SLCO5A1: variants seen among roughly 807,000 people sequenced by gnomAD.
SLCO5A1 encodes the protein solute carrier organic anion transporter family member 5A1, also known as organic anion transporter polypeptide-related protein 4.
SLCO5A1 carries 39 observed loss-of-function variants against 65.1 expected under a neutral mutation model. The observed-to-expected ratio is 0.60, with a 90% CI of 0.46 to 0.78. The LOEUF is 0.78. Among genes scored for constraint, SLCO5A1 ranks in the 30% least tolerant of loss-of-function variants. The probability of loss-of-function intolerance (pLI) is 0.00; values close to 1 mark genes in which losing one functional copy is unlikely to be tolerated. For missense variants in SLCO5A1, 1,029 were observed against 1,069.4 expected, an observed-to-expected ratio of 0.96 and a Z score of 0.53; for synonymous variants, 438 against 415.7, an observed-to-expected ratio of 1.05 and a Z score of -0.65.
intron 2 of SLCO5A1, among the ~76,000 whole-genome samples, chr8:69,775,689 GA>G (rs1818526407): frequency 6.6e-6 from 1 of 152,166 alleles, no homozygotes. Context: ...AGGAACTCAT[GA>G]AAAACTTTAA....
chr8:69,745,013 G>T (rs1236716002), intron 4 of SLCO5A1, among the ~76,000 whole-genome samples: 1 of 152,136 alleles, frequency 6.6e-6, no homozygotes, highest in Non-Finnish European at 1.5e-5. Context: ...ATACAATATT[G>T]TCCTTTATCC....
intron 6 of SLCO5A1, among the ~76,000 whole-genome samples, chr8:69,685,419 A>G (rs1184987426): frequency 6.6e-6 from 1 of 152,222 alleles, no homozygotes; most frequent in Non-Finnish European, 1.5e-5. Context: ...CTTGTGCAAA[A>G]GGACTGTGCA....
At chr8:69,778,065 T>C (rs978012372) in intron 2 of SLCO5A1, among the ~76,000 whole-genome samples, 1 of 152,218 alleles carries the variant, frequency 6.6e-6, no homozygotes, top group Admixed American at 6.5e-5. Context: ...AATCTCCTAC[T>C]GTGACTAATT....
At chr8:69,767,886 T>A (rs1322910335) in intron 2 of SLCO5A1, among the ~76,000 whole-genome samples, 2 of 89,760 alleles carry the variant, frequency 2.2e-5, no homozygotes, top group African/African-American at 4.9e-5. Context: ...TGAGACTCCA[T>A]CTCAAAAAAA....
At chr8:69,783,596 A>AT (rs1250028383) in intron 2 of SLCO5A1, among the ~76,000 whole-genome samples, 4 of 151,556 alleles carry the variant, frequency 2.6e-5, no homozygotes, top group Non-Finnish European at 4.4e-5. Flanking sequence ...GGTTAAGTGT[A>AT]TTTTTTTTGT....
chr8:69,738,310 T>C (rs1816650854), intron 4 of SLCO5A1, 106 bp from the exon 5 acceptor site: 2 of 1,025,194 alleles, frequency 2.0e-6, no homozygotes, highest in Admixed American at 6.4e-5. Flanking sequence ...TTCAGCAACA[T>C]TTGCCACCAA....
At chr8:69,830,351 CTTAT>C (rs1821106328) in intron 2 of SLCO5A1, among the ~76,000 whole-genome samples, 1 of 152,050 alleles carries the variant, frequency 6.6e-6, no homozygotes, top group African/African-American at 2.4e-5. Flanking sequence ...CTAGTATTTG[CTTAT>C]TTATCATTTT....
intron 3 of SLCO5A1, among the ~76,000 whole-genome samples, chr8:69,760,377 A>G (rs1191007481): frequency 6.6e-6 from 1 of 152,218 alleles, no homozygotes. Flanking sequence ...AGCATTACTT[A>G]TGAAAATAGG....
intron 5 of SLCO5A1, among the ~76,000 whole-genome samples, chr8:69,736,658 T>C (rs867238293): frequency 1.5e-4 from 23 of 152,202 alleles, no homozygotes; most frequent in African/African-American, 5.1e-4. Context: ...AGTTTCACGA[T>C]GCATATCGGC....
intron 5 of SLCO5A1, among the ~76,000 whole-genome samples, chr8:69,735,005 G>A (rs900692049): frequency 1.3e-5 from 2 of 152,270 alleles, no homozygotes; most frequent in Non-Finnish European, 2.9e-5. Flanking sequence ...TGAAAAGTGG[G>A]CAAAGGACAT....
chr8:69,692,180 C>A (rs150753812), intron 6 of SLCO5A1, among the ~76,000 whole-genome samples: 2 of 152,004 alleles, frequency 1.3e-5, no homozygotes, highest in African/African-American at 4.8e-5. Flanking sequence ...ACCCGGGAGG[C>A]GGAGCTTGCA....
chr8:69,794,551 G>A (rs1586807786), intron 2 of SLCO5A1: 8 of 356,764 alleles, frequency 2.2e-5, no homozygotes, highest in Non-Finnish European at 4.5e-5. Context: ...TGTGGATCAG[G>A]ATTTGTCATA....
chr8:69,743,153 T>C (rs1040125521), intron 4 of SLCO5A1, among the ~76,000 whole-genome samples: 2 of 152,130 alleles, frequency 1.3e-5, no homozygotes, highest in Non-Finnish European at 2.9e-5. Flanking sequence ...AGAGACTGGA[T>C]CAGTCTCACT....
At chr8:69,781,201 A>G (rs1465561661) in intron 2 of SLCO5A1, among the ~76,000 whole-genome samples, 6 of 152,244 alleles carry the variant, frequency 3.9e-5, no homozygotes, top group Admixed American at 3.9e-4. Flanking sequence ...CTTTCCAGGC[A>G]CTTGAAGAAG....
At position 69,749,700 on chromosome 8, in the gene SLCO5A1, C is replaced by T. The variant is rs186161148; in HGVS notation, c.1258+5724G>A. 1.7e-3 allele frequency among the ~76,000 whole-genome samples: 259 copies of T among 151,450 alleles called. 1 individual carries two copies. The highest frequency in any genetic ancestry group is 2.5e-3 in the Non-Finnish European group (170 of 67,914). On this transcript the variant is annotated intron_variant, in intron 4 of 9. Transcript: ENST00000260126. The stretch of plus-strand genomic sequence containing the variant: ...TCATTCATCAAATATTTACTATGTA[C>T]CTACTAGGTGGTGTAAACTTAGCAG...
chr8:69,745,196 G>T (rs1035318331), intron 4 of SLCO5A1, among the ~76,000 whole-genome samples: 4 of 151,602 alleles, frequency 2.6e-5, no homozygotes, highest in Non-Finnish European at 5.9e-5. Context: ...ACTAATTTCT[G>T]TGTGCTAATT....
intron 2 of SLCO5A1, among the ~76,000 whole-genome samples, chr8:69,778,554 T>C (rs769980467): frequency 1.3e-5 from 2 of 152,138 alleles, no homozygotes; most frequent in Non-Finnish European, 2.9e-5. Context: ...GATTTTGGTG[T>C]TTTCCTTATA....
chr8:69,680,959 G>T (rs924372691), intron 7 of SLCO5A1, among the ~76,000 whole-genome samples: 1 of 151,988 alleles, frequency 6.6e-6, no homozygotes, highest in Non-Finnish European at 1.5e-5. Context: ...ATGAAGATGG[G>T]GCACTGTTTG....
intron 2 of SLCO5A1, 64 bp from the exon 3 acceptor site, chr8:69,761,939 C>T (rs34685649): frequency 0.025 from 39,067 of 1,575,652 alleles, 664 homozygotes; most frequent in Middle Eastern, 0.047. Context: ...GGAGTTCTCT[C>T]ATTTCACTCT....
Sources: allele counts gnomAD v4.1 joint callset (sites outside exome capture counted in the v4.1 genomes callset), GRCh38; gene constraint gnomAD v4.1.1; transcripts MANE v1.5; gene names NCBI Gene and HGNC (gene_info 2026-07-23, HGNC 2026-07-21).